Variants in GAL3ST2 observed in about 807,000 individuals in gnomAD.
GAL3ST2 encodes the protein beta-galactose-3-O-sulfotransferase 2.
A neutral mutation model predicts 12.9 loss-of-function variants in GAL3ST2; 16 were observed. That is an observed-to-expected ratio of 1.24 (90% CI 0.84 to 1.88). The LOEUF (loss-of-function observed/expected upper bound fraction) is 1.88. GAL3ST2 is among the 40% of genes most tolerant of loss of function. The pLI, the probability that GAL3ST2 is intolerant of heterozygous loss-of-function variation, is 0.00. For missense variants in GAL3ST2, 639 were observed against 571.8 expected, an observed-to-expected ratio of 1.12 and a Z score of -1.20; for synonymous variants, 302 against 273.9, an observed-to-expected ratio of 1.10 and a Z score of -1.01.
At chr2:241,777,663 C>T (rs1054170003) in intron 1 of GAL3ST2, among the ~76,000 whole-genome samples, 1 of 152,200 alleles carries the variant, frequency 6.6e-6, no homozygotes, top group Non-Finnish European at 1.5e-5. Flanking sequence ...CAGTTACCTT[C>T]CTTTAAGGGG....
At chr2:241,788,594 A>G (rs62193062) in intron 1 of GAL3ST2, among the ~76,000 whole-genome samples, 49,410 of 152,096 alleles carry the variant, frequency 0.32, 11,339 homozygotes, top group African/African-American at 0.65. Flanking sequence ...CAAAGAGAAA[A>G]GGTATCTGCT....
At chr2:241,782,740 C>T (rs1443371296) in intron 1 of GAL3ST2, among the ~76,000 whole-genome samples, 1 of 152,228 alleles carries the variant, frequency 6.6e-6, no homozygotes, top group African/African-American at 2.4e-5. Context: ...TATAGCAGGA[C>T]TTGGTGTCCT....
chr2:241,783,134 A>T lies in GAL3ST2; in HGVS notation c.29+6150A>T, dbSNP rs552366599. 4.6e-5 allele frequency among the ~76,000 whole-genome samples: 7 copies of T among 151,700 alleles called. No homozygotes were observed. In the East Asian group the frequency reaches 1.4e-3, roughly 29 times the overall value. On this transcript the variant is annotated intron_variant, in intron 1 of 3. Coordinates refer to ENST00000192314, the MANE Select transcript of GAL3ST2 (RefSeq NM_022134.3). ...GCCTGGGCAACAAAAGTGAAACTCC[A>T]TCTCCAAAAAAAAAAACCCACACAA...
chr2:241,793,157 G>A lies in GAL3ST2; in HGVS notation c.30-5908G>A, dbSNP rs1384999883. On this transcript the variant is annotated intron_variant, in intron 1 of 3. Transcript: ENST00000192314. The surrounding 1 kb of genome is among the most constrained non-coding windows in gnomAD (Gnocchi z 4.7). Reference sequence around the variant, plus strand: ...TCCTGAGGCTGGGTCATGGGTGCGCGTCCTCACCCTTGGCAAAGTAAGCTT... The same window carrying A: ...TCCTGAGGCTGGGTCATGGGTGCGCATCCTCACCCTTGGCAAAGTAAGCTT... Among the ~76,000 whole-genome samples the A allele has an allele frequency of 6.6e-6, 1 of 152,236 alleles. No individual in the cohort carries two copies. Among genetic ancestry groups the A allele is most frequent in the Admixed American group, 6.5e-5 (1 of 15,290 alleles).
chr2:241,784,258 C>T (rs1447624369), intron 1 of GAL3ST2, among the ~76,000 whole-genome samples: 2 of 152,138 alleles, frequency 1.3e-5, no homozygotes, highest in African/African-American at 2.4e-5. Flanking sequence ...TGGTCTCGAT[C>T]TCCTAACCTC....
rs1428240860 is a variant in GAL3ST2, at chr2:241,803,512, C to CCG, written c.545_546dup (p.His183AlafsTer189). The stretch of plus-strand genomic sequence containing the variant: ...CGCCGCGGACGTTCTACAACGACAG[C>CCG]CGCCACCTCAGGAACGTCTACGCCA... On this transcript the variant is annotated frameshift_variant, in exon 4 of 4. Transcript: ENST00000192314. LOFTEE classifies it low-confidence loss of function (END_TRUNC). 7.4e-6 allele frequency: 12 copies of CCG among 1,611,320 alleles called. No individual in the cohort carries two copies. The highest frequency in any genetic ancestry group is 1.0e-5 in the Non-Finnish European group (12 of 1,179,164).
At position 241,803,485 on chromosome 2, in the gene GAL3ST2, C is replaced by T; in HGVS notation, c.516C>T (p.Ala172=). ...RGAPSLDAFL[A]SPRTFYNDSR... is the part of the protein sequence containing the mutation. ...CCCCGAGCCTGGACGCGTTCCTGGC[C>T]TCGCCGCGGACGTTCTACAACGACA... The change falls in exon 4 of 4, where the codon GCC becomes GCT. Residue 172 remains alanine, a synonymous_variant. Transcript: ENST00000192314. 6.2e-7 allele frequency: 1 copy of T among 1,611,706 alleles called. No homozygotes were observed. Among genetic ancestry groups the T allele is most frequent in the South Asian group, 1.1e-5 (1 of 90,798 alleles).
chr2:241,795,382 G>A lies in GAL3ST2; in HGVS notation c.30-3683G>A, dbSNP rs1258962521. Among the ~76,000 whole-genome samples the A allele has an allele frequency of 6.6e-6, 1 of 152,244 alleles. No homozygotes were observed. Among genetic ancestry groups the A allele is most frequent in the East Asian group, 1.9e-4 (1 of 5,194 alleles). ...TCATGCTGCCGCAAGGCCAAGGGGG[G>A]TATTGTAAGTGTGAAAGCAGCATCT... is the stretch of plus-strand genomic sequence containing the variant. On this transcript the variant is annotated intron_variant, in intron 1 of 3. Transcript: ENST00000192314. This position sits in a 1 kb window ranked among gnomAD's most constrained non-coding sequence, Gnocchi z 4.5.
chr2:241,794,625 T>C (rs35235166), intron 1 of GAL3ST2, among the ~76,000 whole-genome samples: 71,441 of 152,046 alleles, frequency 0.47, 19,482 homozygotes, highest in African/African-American at 0.77. Context: ...GGCCTCCAAG[T>C]CCCGAGGCTC....
chr2:241,798,942 T>A, intron 1 of GAL3ST2, 123 bp from the exon 2 acceptor site: 1 of 764,256 alleles, frequency 1.3e-6, no homozygotes, highest in Non-Finnish European at 2.3e-6. Context: ...GGACAAGACG[T>A]TACAGAGGTG....
At chr2:241,787,540 C>CTCTT (rs762011937) in intron 1 of GAL3ST2, among the ~76,000 whole-genome samples, 1 of 136,274 alleles carries the variant, frequency 7.3e-6, no homozygotes, top group African/African-American at 2.8e-5. Flanking sequence ...ACTTCTCCTC[C>CTCTT]TTTTTTTTTT....
chr2:241,797,992 G>A (rs1382694295), intron 1 of GAL3ST2, among the ~76,000 whole-genome samples: 1 of 152,172 alleles, frequency 6.6e-6, no homozygotes, highest in Admixed American at 6.5e-5. Flanking sequence ...AGACGCTACG[G>A]CCCACGTGGC....
intron 1 of GAL3ST2, among the ~76,000 whole-genome samples, chr2:241,779,716 T>C (rs1055806530): frequency 6.6e-6 from 1 of 150,718 alleles, no homozygotes; most frequent in African/African-American, 2.4e-5. Flanking sequence ...CCGGGCGCGG[T>C]GGCTCACACC....
In GAL3ST2 at chr2:241,803,812, C is replaced by G. The variant is rs948127804; in HGVS notation, c.843C>G (p.Arg281=). 64 of 1,494,904 alleles carry G rather than the reference C, an allele frequency of 4.3e-5. No homozygotes were observed. Among genetic ancestry groups the G allele is most frequent in the Non-Finnish European group, 5.5e-5 (62 of 1,130,514 alleles). 92.6% of individuals were successfully genotyped at this position (1,494,904 alleles called of 1,614,324 possible). A position where few individuals can be genotyped will look rare whatever the true frequency, so the allele number is the denominator to read the frequency against. The change falls in exon 4 of 4, where the codon CGC becomes CGG. Residue 281 remains arginine (R), a synonymous_variant. Coordinates refer to ENST00000192314, the MANE Select transcript of GAL3ST2 (RefSeq NM_022134.3). ...RARSWCALDW[R]LYEHFNRTLW... ...GGAGCTGGTGCGCGCTGGACTGGCG[C>G]CTGTACGAGCATTTCAACCGCACCC...
At chr2:241,786,279 G>A (rs770254573) in intron 1 of GAL3ST2, among the ~76,000 whole-genome samples, 2 of 151,684 alleles carry the variant, frequency 1.3e-5, no homozygotes, top group Non-Finnish European at 2.9e-5. Flanking sequence ...GAAAAAGACT[G>A]AAAAAACAAC....
intron 1 of GAL3ST2, among the ~76,000 whole-genome samples, chr2:241,790,214 T>C (rs1372056842): frequency 1.3e-5 from 2 of 152,072 alleles, no homozygotes; most frequent in African/African-American, 4.8e-5. Flanking sequence ...TCTGATAACT[T>C]TGGGGATTGT....
chr2:241,778,810 G>C (rs755979189), intron 1 of GAL3ST2, among the ~76,000 whole-genome samples: 1 of 152,168 alleles, frequency 6.6e-6, no homozygotes, highest in Admixed American at 6.5e-5. Flanking sequence ...GAGGCAGGAC[G>C]GCTCGAAGCA....
Position 241,803,818 on chromosome 2 carries a change from C to T in GAL3ST2, c.849C>T (p.Tyr283=), listed in dbSNP as rs767616414. 2 of 1,493,502 alleles carry T rather than the reference C, an allele frequency of 1.3e-6. No homozygotes were observed. Among genetic ancestry groups the T allele is most frequent in the Admixed American group, 2.4e-5 (1 of 41,504 alleles). 92.5% of individuals were successfully genotyped at this position (1,493,502 alleles called of 1,614,324 possible). A position where few individuals can be genotyped will look rare whatever the true frequency, so the allele number is the denominator to read the frequency against. Residue 283 remains tyrosine, a synonymous_variant, in exon 4 of 4, where the codon TAC becomes TAT. Coordinates refer to ENST00000192314, the MANE Select transcript of GAL3ST2 (RefSeq NM_022134.3). The part of the protein sequence containing the change: ...RSWCALDWRL[Y]EHFNRTLWAQ... ...GGTGCGCGCTGGACTGGCGCCTGTA[C>T]GAGCATTTCAACCGCACCCTCTGGG...
At chr2:241,799,276 G>T in intron 2 of GAL3ST2, 122 bp downstream of exon 2, 1 of 886,992 alleles carries the variant, frequency 1.1e-6, no homozygotes. Context: ...GAAGAGGAGG[G>T]GTGGATGGGC....
Sources: gnomAD v4.1 joint callset for allele counts (sites outside exome capture counted in the v4.1 genomes callset) on GRCh38, gnomAD v4.1.1 for gene constraint, Gnocchi (gnomAD v3.1) non-coding constraint, MANE v1.5 for transcripts, NCBI Gene and HGNC (gene_info 2026-07-23, HGNC 2026-07-21) for gene names.